The following PTPRG variants were observed in gnomAD, a reference collection of about 807,000 sequenced individuals.
PTPRG encodes receptor-type tyrosine-protein phosphatase gamma.
A neutral mutation model predicts 165.3 loss-of-function variants in PTPRG; 102 were observed. That is an observed-to-expected ratio of 0.62 (90% CI 0.53 to 0.73). The LOEUF (loss-of-function observed/expected upper bound fraction) is 0.73, where lower values mean the gene tolerates loss of function less well. Ranked by LOEUF, PTPRG falls within the 30% of genes least tolerant of loss-of-function variation. PTPRG has a pLI of 0.00. For synonymous variants in PTPRG, 675 were observed against 669.5 expected (o/e 1.01, Z -0.13); for missense variants, 1,866 against 1,861.4 (o/e 1.00, Z -0.05).
chr3:61,780,434 G>C (rs116589566), intron 2 of PTPRG, among the ~76,000 whole-genome samples: 2,062 of 152,236 alleles, frequency 0.014, 39 homozygotes, highest in African/African-American at 0.045. Context: ...TCTGATTTGG[G>C]CTGTATTTAG....
At chr3:62,283,866 G>C (rs960076712) in intron 28 of PTPRG, among the ~76,000 whole-genome samples, 4 of 152,144 alleles carry the variant, frequency 2.6e-5, no homozygotes, top group African/African-American at 9.6e-5. Context: ...CAAAATGTTG[G>C]CCTGACTCTT....
chr3:61,588,845 CTGT>C (rs943605073), intron 1 of PTPRG, among the ~76,000 whole-genome samples: 4 of 152,184 alleles, frequency 2.6e-5, no homozygotes, highest in Admixed American at 6.5e-5. Flanking sequence ...CATAGATGCT[CTGT>C]TGTTTTCTTC....
rs1553644925 is a variant in PTPRG, at chr3:61,653,903, G to GGAGT, written c.85+91532_85+91533insAGTG. On this transcript the variant is annotated intron_variant, in intron 1 of 29. Transcript: ENST00000474889. ...AGGTTGTTAAGCGGGGAGCGGTGGG[G>GGAGT]GGCGCGGGGAACTGTAAGGGAACAT... Among the ~76,000 whole-genome samples, 747 of 137,918 alleles carry GGAGT rather than the reference G, an allele frequency of 5.4e-3. 37 individuals carry two copies. The highest frequency in any genetic ancestry group is 0.018 in the African/African-American group (700 of 37,922). The allele number at this position is 137,918 out of a possible 152,430, so 90.5% of individuals were successfully genotyped here.
At chr3:62,204,030 G>A (rs1418497688) in intron 12 of PTPRG, 80 bp downstream of exon 12, 1 of 1,492,996 alleles carries the variant, frequency 6.7e-7, no homozygotes, top group African/African-American at 1.4e-5. Flanking sequence ...GGAGCAGAAG[G>A]TGAAGCTTCA....
At chr3:61,590,219 A>AT (rs1285798163) in intron 1 of PTPRG, among the ~76,000 whole-genome samples, 7 of 92,012 alleles carry the variant, frequency 7.6e-5, no homozygotes, top group Non-Finnish European at 1.3e-4. Context: ...TTTTTCTTTA[A>AT]TCAAAAAAAA....
At chr3:62,215,550 C>G (rs929384675) in intron 12 of PTPRG, among the ~76,000 whole-genome samples, 1 of 138,880 alleles carries the variant, frequency 7.2e-6, no homozygotes, top group African/African-American at 2.7e-5. Context: ...ACGGGAACCC[C>G]CCCCCCCCGC....
chr3:62,292,621 A>T (rs1441141319), intron 29 of PTPRG, 65 bp downstream of exon 29: 2 of 1,560,148 alleles, frequency 1.3e-6, no homozygotes, highest in Non-Finnish European at 1.7e-6. Context: ...CACAGTTTAG[A>T]GCAGTAGTTC....
chr3:61,743,147 T>C (rs1575625938), intron 1 of PTPRG: 2 of 1,098,910 alleles, frequency 1.8e-6, no homozygotes, highest in Non-Finnish European at 2.7e-6. Flanking sequence ...GCGGGTCTGG[T>C]AATATTTTTA....
At chr3:61,812,630 G>T (rs1230964722) in intron 2 of PTPRG, among the ~76,000 whole-genome samples, 2 of 152,202 alleles carry the variant, frequency 1.3e-5, no homozygotes, top group African/African-American at 4.8e-5. Context: ...CTCCTCGTTA[G>T]CTGCTTTCCA....
At chr3:62,144,456 G>T (rs910694645) in intron 6 of PTPRG, among the ~76,000 whole-genome samples, 2 of 152,180 alleles carry the variant, frequency 1.3e-5, no homozygotes, top group Non-Finnish European at 2.9e-5. Context: ...TTTTGAACAG[G>T]AAAACCAATG....
intron 2 of PTPRG, chr3:61,750,982 G>T (rs559724659): frequency 6.6e-6 from 1 of 152,306 alleles, no homozygotes; most frequent in African/African-American, 2.4e-5. Flanking sequence ...ATGTGGACTG[G>T]TTTGGAAGAC....
At chr3:62,073,614 C>A (rs1701281429) in intron 4 of PTPRG, among the ~76,000 whole-genome samples, 1 of 151,990 alleles carries the variant, frequency 6.6e-6, no homozygotes, top group Non-Finnish European at 1.5e-5. Flanking sequence ...AAGTAGCCTC[C>A]CAAGTGGCAG....
At chr3:61,782,371 G>A (rs1575659668) in intron 2 of PTPRG, among the ~76,000 whole-genome samples, 1 of 152,218 alleles carries the variant, frequency 6.6e-6, no homozygotes, top group African/African-American at 2.4e-5. Flanking sequence ...AATAATAGAT[G>A]AAGACAATGC....
Position 61,939,945 on chromosome 3 carries a change from T to G in PTPRG, c.191-49680T>G, listed in dbSNP as rs1406361368. ...TGACTTGTCTTTTTTTTTTTTTTTT[T>G]TTTTTTTTTTTTTTTTTTTGAGACA... On this transcript the variant is annotated intron_variant, in intron 2 of 29. Transcript: ENST00000474889. 1.8e-4 allele frequency among the ~76,000 whole-genome samples: 22 copies of G among 119,406 alleles called. 1 individual carries two copies. The East Asian group carries it at 4.1e-3, about 22-fold the overall frequency. 78.3% of individuals were successfully genotyped at this position (119,406 alleles called of 152,430 possible).
intron 5 of PTPRG, among the ~76,000 whole-genome samples, chr3:62,122,152 C>A (rs1318940524): frequency 2.0e-5 from 3 of 152,176 alleles, no homozygotes; most frequent in Non-Finnish European, 4.4e-5. Context: ...CCTGAAAAAA[C>A]ATAGCTTTAC....
rs748070493 is a variant in PTPRG at position 61,562,302 on chromosome 3, G to C, written c.15G>C (p.Leu5=). Residue 5 remains leucine, a synonymous_variant, in exon 1 of 30, where the codon CTG becomes CTC. Coordinates refer to ENST00000474889, the MANE Select transcript of PTPRG (RefSeq NM_002841.4). ...CGTTTTCGGACATGCGGAGGTTACT[G>C]GAACCGTGTTGGTGGATTTTGTTCC... MRRL[L]EPCWWILFLK... is the part of the protein sequence containing the mutation. 6.2e-7 allele frequency: 1 copy of C among 1,613,688 alleles called. No homozygotes were observed. Among genetic ancestry groups the C allele is most frequent in the South Asian group, 1.1e-5 (1 of 91,080 alleles).
chr3:61,769,664 C>T (rs1324090856), intron 2 of PTPRG: 1 of 152,030 alleles, frequency 6.6e-6, no homozygotes, highest in Non-Finnish European at 1.5e-5. Flanking sequence ...CCAGAGCACA[C>T]ATGATTGAAC....
At chr3:61,992,731 A>C (rs2040927742) in intron 3 of PTPRG, among the ~76,000 whole-genome samples, 1 of 152,188 alleles carries the variant, frequency 6.6e-6, no homozygotes, top group South Asian at 2.1e-4. Flanking sequence ...CATGCTGGCC[A>C]GACTGCTCTG....
chr3:61,600,699 C>T (rs1336052617), intron 1 of PTPRG, among the ~76,000 whole-genome samples: 2 of 152,082 alleles, frequency 1.3e-5, no homozygotes, highest in African/African-American at 4.8e-5. Context: ...ACTACCATGC[C>T]TGGCTCATTT....
Sources: allele counts gnomAD v4.1 joint callset (sites outside exome capture counted in the v4.1 genomes callset), GRCh38; gene constraint gnomAD v4.1.1; transcripts MANE v1.5; gene names NCBI Gene and HGNC (gene_info 2026-07-23, HGNC 2026-07-21).